FBXW4: variants seen among roughly 807,000 people sequenced by gnomAD.
FBXW4 encodes the protein F-box and WD repeat domain containing 4, also known as F-box/WD repeat-containing protein 4.
A neutral mutation model predicts 61.8 loss-of-function variants in FBXW4; 40 were observed. The observed-to-expected ratio is 0.65, with a 90% CI of 0.50 to 0.84. FBXW4 has a LOEUF of 0.84. FBXW4 is among the 40% of genes least tolerant of loss of function. FBXW4 has a pLI of 0.00. For synonymous variants in FBXW4, 311 were observed against 313.8 expected, an observed-to-expected ratio of 0.99 and a Z score of 0.10; for missense variants, 672 against 753.8, an observed-to-expected ratio of 0.89 and a Z score of 1.27.
chr10:101,677,157 T>A (rs1267425150), intron 1 of FBXW4, among the ~76,000 whole-genome samples: 1 of 152,148 alleles, frequency 6.6e-6, no homozygotes, highest in Non-Finnish European at 1.5e-5. Context: ...TTATTATAAA[T>A]CTAAACATAT....
chr10:101,653,046 A>G (rs146597422), intron 5 of FBXW4, among the ~76,000 whole-genome samples: 40 of 152,286 alleles, frequency 2.6e-4, no homozygotes, highest in African/African-American at 9.4e-4. Flanking sequence ...GTCTCTGGCC[A>G]TTGCCACCTG....
chr10:101,673,020 A>T lies in FBXW4; in HGVS notation c.1035T>A (p.Ile345=), dbSNP rs1280233220. 4 of 1,613,966 alleles carry T rather than the reference A, an allele frequency of 2.5e-6. No homozygotes were observed. In the South Asian group the frequency reaches 3.3e-5, roughly 13 times the overall value. ...GGDGKIGIHK[I]HSTFTVKYSA... is the part of the protein sequence containing the mutation. ...AGTACTTGACAGTGAAGGTGCTGTG[A>T]ATCTTATGAATGCCAATCTTCCCAT... The change falls in exon 4 of 9, where the codon ATT becomes ATA. Residue 345 remains isoleucine (I), a synonymous_variant. Coordinates refer to ENST00000331272, the MANE Select transcript of FBXW4 (RefSeq NM_022039.4).
chr10:101,639,286 T>C (rs1053358298), intron 5 of FBXW4, among the ~76,000 whole-genome samples: 2 of 152,190 alleles, frequency 1.3e-5, no homozygotes, highest in Admixed American at 6.5e-5. Context: ...CATTAGAATA[T>C]GGCGGGTTTT....
intron 1 of FBXW4, among the ~76,000 whole-genome samples, chr10:101,686,226 T>A (rs1241415005): frequency 6.6e-6 from 1 of 152,118 alleles, no homozygotes; most frequent in Non-Finnish European, 1.5e-5. Context: ...TATTTAGCAG[T>A]GAAAAAAAGA....
intron 5 of FBXW4, among the ~76,000 whole-genome samples, chr10:101,661,885 G>A (rs2064247951): frequency 6.6e-6 from 1 of 152,168 alleles, no homozygotes; most frequent in Non-Finnish European, 1.5e-5. Flanking sequence ...ACAATGCAGA[G>A]CACTATAGTC....
chr10:101,611,901 C>T lies in FBXW4; in HGVS notation c.1443-132G>A. ...GGATGGAAGAGAAAGAAGCCTAAAT[C>T]ATCAGATTCATCAAAAACCGAACTT... On this transcript the variant is annotated intron_variant, in intron 7 of 8. Transcript: ENST00000331272. This position sits in a 1 kb window ranked among gnomAD's most constrained non-coding sequence, Gnocchi z 4.9. The T allele has an allele frequency of 8.9e-7, 1 of 1,118,816 alleles. No individual in the cohort carries two copies. The highest frequency in any genetic ancestry group is 2.9e-5 in the Admixed American group (1 of 34,890). The allele number at this position is 1,118,816 out of a possible 1,614,324, so 69.3% of individuals were successfully genotyped here. A position where few individuals can be genotyped will look rare whatever the true frequency, so the allele number is the denominator to read the frequency against.
chr10:101,616,454 T>C (rs2063827059), intron 6 of FBXW4, among the ~76,000 whole-genome samples: 1 of 152,160 alleles, frequency 6.6e-6, no homozygotes, highest in Admixed American at 6.5e-5. Flanking sequence ...GTCTGCAACA[T>C]ATATCCAACT....
chr10:101,632,373 A>C (rs2063966090), intron 5 of FBXW4, among the ~76,000 whole-genome samples: 1 of 152,178 alleles, frequency 6.6e-6, no homozygotes, highest in African/African-American at 2.4e-5. Flanking sequence ...AAGGGCCAGC[A>C]AAGCAGGGTT....
chr10:101,642,612 C>T (rs1279356456), intron 5 of FBXW4, among the ~76,000 whole-genome samples: 1 of 152,168 alleles, frequency 6.6e-6, no homozygotes, highest in Non-Finnish European at 1.5e-5. Context: ...TTGTCAACAG[C>T]CCACACACCT....
intron 6 of FBXW4, among the ~76,000 whole-genome samples, chr10:101,613,708 A>G (rs2063805352): frequency 2.0e-5 from 3 of 152,312 alleles, no homozygotes; most frequent in South Asian, 4.1e-4. Flanking sequence ...CATCTTCCCG[A>G]AGGCCGAAGG....
intron 1 of FBXW4, among the ~76,000 whole-genome samples, chr10:101,677,804 A>G (rs1452075713): frequency 1.3e-5 from 2 of 152,056 alleles, no homozygotes; most frequent in Non-Finnish European, 2.9e-5. Flanking sequence ...AAAAAAGAGA[A>G]AAGAAATACA....
intron 5 of FBXW4, 41 bp from the exon 6 acceptor site, chr10:101,624,851 A>C: frequency 6.2e-7 from 1 of 1,606,676 alleles, no homozygotes; most frequent in Non-Finnish European, 8.5e-7. Context: ...CTGGCTTGTC[A>C]GAACCTGTGG....
At position 101,678,206 on chromosome 10, in the gene FBXW4, T is replaced by C. The variant is rs1210984238; in HGVS notation, c.726-1770A>G. 3.9e-5 allele frequency among the ~76,000 whole-genome samples: 6 copies of C among 152,282 alleles called. No individual in the cohort carries two copies. The East Asian group carries it at 1.2e-3, about 29-fold the overall frequency. ...TGTTTGGGGATGGGTTAATAGGCAATAGGGAGAAGAGCTCTAAGCCCCTTA... is the reference window on the plus strand; with the variant it reads ...TGTTTGGGGATGGGTTAATAGGCAACAGGGAGAAGAGCTCTAAGCCCCTTA... On this transcript the variant is annotated intron_variant, in intron 1 of 8. Transcript: ENST00000331272.
At chr10:101,692,949 G>C (rs748146938) in intron 1 of FBXW4, among the ~76,000 whole-genome samples, 1 of 152,070 alleles carries the variant, frequency 6.6e-6, no homozygotes, top group Non-Finnish European at 1.5e-5. Flanking sequence ...AAAGATGACA[G>C]ACTAGATTCT....
intron 5 of FBXW4, among the ~76,000 whole-genome samples, chr10:101,632,064 A>C (rs995120812): frequency 2.0e-5 from 3 of 152,204 alleles, no homozygotes; most frequent in Non-Finnish European, 4.4e-5. Context: ...CTTGCCCTGA[A>C]GTGATGGGAC....
Position 101,625,814 on chromosome 10 carries a change from G to A in FBXW4, c.1236-1004C>T, listed in dbSNP as rs181726096. 3.9e-5 allele frequency: 6 copies of A among 152,380 alleles called. No individual in the cohort carries two copies. The East Asian group carries it at 7.7e-4, about 20-fold the overall frequency. 9.4% of individuals were successfully genotyped at this position (152,380 alleles called of 1,614,324 possible). On this transcript the variant is annotated intron_variant, in intron 5 of 8. Coordinates refer to ENST00000331272, the MANE Select transcript of FBXW4 (RefSeq NM_022039.4). ...GCCATGTCCCTGCATGTCTTTCATG[G>A]GGGGGAAGGAAGACTGGACATACTA... is the stretch of plus-strand genomic sequence containing the variant.
At position 101,694,302 on chromosome 10, in the gene FBXW4, C is replaced by G. The variant is rs2064646642; in HGVS notation, c.725+79G>C. On this transcript the variant is annotated intron_variant, in intron 1 of 8. Transcript: ENST00000331272. The surrounding 1 kb of genome is among the most constrained non-coding windows in gnomAD (Gnocchi z 6.0). ...GGGGTGCGACACGACCCTGGGCCGA[C>G]CAGGCCGCGGCGCCCCGCCCTTTCC... 1.5e-6 allele frequency: 2 copies of G among 1,298,898 alleles called. No homozygotes were observed. Among genetic ancestry groups the G allele is most frequent in the Admixed American group, 8.3e-5 (2 of 24,022 alleles). The allele number at this position is 1,298,898 out of a possible 1,614,324, so 80.5% of individuals were successfully genotyped here. A position where few individuals can be genotyped will look rare whatever the true frequency, so the allele number is the denominator to read the frequency against.
rs1479967405 is a variant in FBXW4 at position 101,694,571 on chromosome 10, C to T, written c.535G>A (p.Ala179Thr). Residue 179 changes from alanine to threonine, a missense_variant, in exon 1 of 9, where the codon GCG (alanine) becomes ACG (threonine). Coordinates refer to ENST00000331272, the MANE Select transcript of FBXW4 (RefSeq NM_022039.4). The surrounding 1 kb of genome is among the most constrained non-coding windows in gnomAD (Gnocchi z 6.0). ...AARESAARPA[A>T]GPALWRLPEE... ...GGCAGGCGCCAGAGCGCAGGCCCCG[C>T]GGCCGGGCGGGCAGCCGACTCCCGA... 1.4e-6 allele frequency: 2 copies of T among 1,469,960 alleles called. No individual in the cohort carries two copies. The highest frequency in any genetic ancestry group is 8.9e-7 in the Non-Finnish European group (1 of 1,119,906). 91.1% of individuals were successfully genotyped at this position (1,469,960 alleles called of 1,614,324 possible). A position where few individuals can be genotyped will look rare whatever the true frequency, so the allele number is the denominator to read the frequency against.
At chr10:101,668,097 C>A in intron 4 of FBXW4, 117 bp from the exon 5 acceptor site, 1 of 760,892 alleles carries the variant, frequency 1.3e-6, no homozygotes. Flanking sequence ...TTATGCCCTG[C>A]ACACACAGAG....
Sources: gnomAD v4.1 joint callset for allele counts (sites outside exome capture counted in the v4.1 genomes callset) on GRCh38, gnomAD v4.1.1 for gene constraint, Gnocchi (gnomAD v3.1) non-coding constraint, MANE v1.5 for transcripts, NCBI Gene and HGNC (gene_info 2026-07-23, HGNC 2026-07-21) for gene names.